The following PIEZO1 variants were observed in gnomAD, a reference collection of about 807,000 sequenced individuals.
PIEZO1 encodes the protein piezo type mechanosensitive ion channel component 1 (Er blood group).
Under a neutral mutation model 297.2 loss-of-function variants are expected in PIEZO1, and 296 were observed. The observed-to-expected ratio is 1.00, with a 90% CI of 0.91 to 1.10. The LOEUF (loss-of-function observed/expected upper bound fraction) is 1.10, where lower values mean the gene tolerates loss of function less well. Among genes scored for constraint, PIEZO1 ranks in the 50% least tolerant of loss-of-function variants. PIEZO1 has a pLI of 0.00. For synonymous variants in PIEZO1, 2,427 were observed against 1,507.5 expected (o/e 1.61, Z -14.13); for missense variants, 5,018 against 3,455.5 (o/e 1.45, Z -11.34).
chr16:88,768,848 C>T lies in PIEZO1; in HGVS notation c.64+16053G>A, dbSNP rs910489393. Among the ~76,000 whole-genome samples the T allele has an allele frequency of 4.6e-5, 7 of 152,226 alleles. 1 individual carries two copies. Among genetic ancestry groups the T allele is most frequent in the Admixed American group, 2.6e-4 (4 of 15,290 alleles). On this transcript the variant is annotated intron_variant, in intron 1 of 50. Transcript: ENST00000301015. ...ACACCGCGAGCTGCAGGGCCCAGTC[C>T]GGGGCACAGCAGTATTGTGGCTGCA...
At chr16:88,724,169 G>A (rs569996521) in intron 30 of PIEZO1, among the ~76,000 whole-genome samples, 198 bp from the exon 31 acceptor site, 4 of 152,358 alleles carry the variant, frequency 2.6e-5, no homozygotes, top group African/African-American at 4.8e-5. Context: ...GAGCCAGCGC[G>A]GGCTGGGGTG....
chr16:88,718,831 C>T (rs750233254), intron 44 of PIEZO1: 1 of 153,690 alleles, frequency 6.5e-6, no homozygotes, highest in East Asian at 1.9e-4. Flanking sequence ...CCTCAGCCTC[C>T]AGAGTAGCTG....
rs547656994 is a variant in PIEZO1 at position 88,726,369 on chromosome 16, G to A, written c.3883C>T (p.Leu1295=). The stretch of plus-strand genomic sequence containing the variant: ...AGGAAGACGCGGCGCTGCAGCAGCA[G>A]GAAGAAGAAGCAGACGCTGTCCCAG... ...IIWDSVCFFF[L]LLQRRVFLSH... The change falls in exon 27 of 51, where the codon CTG becomes TTG. Residue 1295 remains leucine (L), a synonymous_variant. Transcript: ENST00000301015. 1.2e-5 allele frequency: 19 copies of A among 1,550,442 alleles called. No individual in the cohort carries two copies. In the Admixed American group the frequency reaches 2.4e-4, roughly 19 times the overall value.
At chr16:88,769,619 C>T (rs1355378027) in intron 1 of PIEZO1, among the ~76,000 whole-genome samples, 1 of 152,226 alleles carries the variant, frequency 6.6e-6, no homozygotes, top group Non-Finnish European at 1.5e-5. Context: ...AGGGTCAGGG[C>T]CAAGCCTGGG....
Position 88,721,272 on chromosome 16 carries a change from G to A in PIEZO1, c.5562C>T (p.Thr1854=). 1.9e-6 allele frequency: 3 copies of A among 1,544,038 alleles called. No individual in the cohort carries two copies. Among genetic ancestry groups the A allele is most frequent in the Non-Finnish European group, 2.6e-6 (3 of 1,146,588 alleles). Reference sequence around the variant, plus strand: ...GCCTGAGCTCCACTTGGGGTTCTGGGGTCCCGTCCGTGGGTCCGACCCTGG... The same window carrying A: ...GCCTGAGCTCCACTTGGGGTTCTGGAGTCCCGTCCGTGGGTCCGACCCTGG... ...VEARVGPTDG[T]PEPQVELRPR... The change falls in exon 39 of 51, where the codon ACC becomes ACT. Residue 1854 remains threonine (T), a synonymous_variant. Transcript: ENST00000301015.
intron 21 of PIEZO1, among the ~76,000 whole-genome samples, 190 bp downstream of exon 21, chr16:88,732,145 C>T (rs369081842): frequency 3.3e-5 from 5 of 152,044 alleles, no homozygotes; most frequent in East Asian, 1.9e-4. Context: ...TCTAACTTGG[C>T]CCCCTGCCTG....
At chr16:88,768,437 C>A (rs1012008789) in intron 1 of PIEZO1, among the ~76,000 whole-genome samples, 4 of 152,190 alleles carry the variant, frequency 2.6e-5, no homozygotes, top group Non-Finnish European at 5.9e-5. Context: ...AACCTATGCG[C>A]GTGCTCAGTT....
chr16:88,730,959 G>A (rs1177351968), intron 22 of PIEZO1, among the ~76,000 whole-genome samples: 1 of 152,240 alleles, frequency 6.6e-6, no homozygotes, highest in Admixed American at 6.5e-5. Flanking sequence ...GTGCCAACAG[G>A]CTGGGTGCCA....
At chr16:88,755,756 C>G (rs1024241509) in intron 1 of PIEZO1, among the ~76,000 whole-genome samples, 1 of 152,222 alleles carries the variant, frequency 6.6e-6, no homozygotes, top group Admixed American at 6.5e-5. Context: ...CATGAGAGGC[C>G]GGGGGCCCCC....
intron 1 of PIEZO1, among the ~76,000 whole-genome samples, chr16:88,774,691 A>G (rs114593914): frequency 0.01 from 1,582 of 152,334 alleles, 19 homozygotes; most frequent in African/African-American, 0.035. Context: ...ATGGGGCCCA[A>G]GGGCAAAGAG....
In PIEZO1 at chr16:88,715,374, A is replaced by AT; in HGVS notation, c.*230dup. ...ATTTGTATAAATAAAACATTTTTTA[A>AT]TTAAAAAAAAAACTCTACAGTACAC... On this transcript the variant is annotated 3_prime_UTR_variant, in exon 51 of 51. Coordinates refer to ENST00000301015, the MANE Select transcript of PIEZO1 (RefSeq NM_001142864.4). The AT allele has an allele frequency of 1.7e-6, 2 of 1,180,642 alleles. No homozygotes were observed. Among genetic ancestry groups the AT allele is most frequent in the African/African-American group, 1.5e-5 (1 of 64,716 alleles). 73.1% of individuals were successfully genotyped at this position (1,180,642 alleles called of 1,614,324 possible).
chr16:88,753,888 G>C (rs1906522886), intron 1 of PIEZO1, among the ~76,000 whole-genome samples: 1 of 152,234 alleles, frequency 6.6e-6, no homozygotes, highest in African/African-American at 2.4e-5. Flanking sequence ...TCAGGCTCAG[G>C]CAGAGAAGGA....
In PIEZO1 at chr16:88,723,111, G is replaced by A. The variant is rs1030766575; in HGVS notation, c.4479C>T (p.Pro1493=). 6.5e-5 allele frequency: 100 copies of A among 1,548,314 alleles called. No homozygotes were observed. The highest frequency in any genetic ancestry group is 5.4e-4 in the East Asian group (22 of 40,930). Residue 1493 remains proline, a synonymous_variant, in exon 33 of 51, where the codon CCC becomes CCT. Coordinates refer to ENST00000301015, the MANE Select transcript of PIEZO1 (RefSeq NM_001142864.4). ...PSQEVEPAEG[P]EEAAAGRSHV... is the part of the protein sequence containing the mutation. ...CCCACGTACCTGCCGCTGCCTCCTC[G>A]GGGCCCTCTGCTGGCTCCACCTCCT... is the stretch of plus-strand genomic sequence containing the variant.
chr16:88,726,176 G>T (rs1904409254), intron 27 of PIEZO1, 108 bp downstream of exon 27: 2 of 902,020 alleles, frequency 2.2e-6, no homozygotes, highest in Non-Finnish European at 3.3e-6. Flanking sequence ...TCACAGAGTG[G>T]CAGAGCCTGC....
In PIEZO1 at chr16:88,734,697, C is replaced by T; in HGVS notation, c.1950G>A (p.Gln650=). 6.5e-7 allele frequency: 1 copy of T among 1,550,346 alleles called. No homozygotes were observed. The highest frequency in any genetic ancestry group is 8.7e-7 in the Non-Finnish European group (1 of 1,146,934). Residue 650 remains glutamine (Q), a synonymous_variant, in exon 15 of 51, where the codon CAG becomes CAA. Transcript: ENST00000301015. Reference sequence around the variant, plus strand: ...GGTTGCGCCAGTAGGCAGGGAAGTCCTGGAACTGGAAGGTGTAGACGGCGA... The same window carrying T: ...GGTTGCGCCAGTAGGCAGGGAAGTCTTGGAACTGGAAGGTGTAGACGGCGA... ...VLIAVYTFQF[Q]DFPAYWRNLT...
Position 88,723,914 on chromosome 16 carries a change from G to C in PIEZO1, c.4292C>G (p.Ala1431Gly). The C allele has an allele frequency of 6.5e-7, 1 of 1,549,788 alleles. No individual in the cohort carries two copies. The highest frequency in any genetic ancestry group is 8.7e-7 in the Non-Finnish European group (1 of 1,146,328). Residue 1431 changes from alanine to glycine, a missense_variant, in exon 31 of 51, where the codon GCT (alanine) becomes GGT (glycine). Coordinates refer to ENST00000301015, the MANE Select transcript of PIEZO1 (RefSeq NM_001142864.4). ...FESDSEEEEE[A>G]VPEDPRPSAQ... ...CGACGGCCTCGGGTCTTCAGGAACA[G>C]CCTCCTCCTCTTCCTCACTGTCGGA... is the stretch of plus-strand genomic sequence containing the variant.
chr16:88,736,104 G>T, intron 12 of PIEZO1, 44 bp downstream of exon 12: 14 of 1,505,184 alleles, frequency 9.3e-6, no homozygotes, highest in Non-Finnish European at 1.2e-5. Flanking sequence ...ACCCTGATGG[G>T]TCTGCGCACC....
intron 33 of PIEZO1, 42 bp from the exon 34 acceptor site, chr16:88,723,051 G>GGGCC: frequency 6.5e-7 from 1 of 1,543,762 alleles, no homozygotes; most frequent in Non-Finnish European, 8.7e-7. Flanking sequence ...GCAGCCTGTG[G>GGGCC]GGCCAAGAGA....
At chr16:88,783,950 T>A (rs145960097) in intron 1 of PIEZO1, among the ~76,000 whole-genome samples, 20 of 152,334 alleles carry the variant, frequency 1.3e-4, no homozygotes, top group Admixed American at 1.3e-4. Flanking sequence ...CATGGCGGAC[T>A]CCCAATGCAA....
Sources: allele counts gnomAD v4.1 joint callset (sites outside exome capture counted in the v4.1 genomes callset), GRCh38; gene constraint gnomAD v4.1.1; transcripts MANE v1.5; gene names NCBI Gene and HGNC (gene_info 2026-07-23, HGNC 2026-07-21).